JAKMIP3: variants seen among roughly 807,000 people sequenced by gnomAD.
The protein encoded by JAKMIP3 is Janus kinase and microtubule interacting protein 3.
Under a neutral mutation model 118.5 loss-of-function variants are expected in JAKMIP3, and 58 were observed. That is an observed-to-expected ratio of 0.49 (90% CI 0.40 to 0.61). The LOEUF (loss-of-function observed/expected upper bound fraction) is 0.61, where lower values mean the gene tolerates loss of function less well. Among genes scored for constraint, JAKMIP3 ranks in the 20% least tolerant of loss-of-function variants. The pLI, the probability that JAKMIP3 is intolerant of heterozygous loss-of-function variation, is 0.00. For missense variants in JAKMIP3, 950 were observed against 1,109.0 expected (o/e 0.86, Z 2.04); for synonymous variants, 486 against 451.2 (o/e 1.08, Z -0.98).
At chr10:132,099,269 C>T (rs987904807) in intron 1 of JAKMIP3, among the ~76,000 whole-genome samples, 13 of 152,226 alleles carry the variant, frequency 8.5e-5, no homozygotes, top group African/African-American at 1.9e-4. Context: ...GATTCACCGG[C>T]GGTGGAAAGA....
intron 21 of JAKMIP3, among the ~76,000 whole-genome samples, chr10:132,166,731 G>A (rs796715696): frequency 6.6e-6 from 1 of 152,204 alleles, no homozygotes; most frequent in Non-Finnish European, 1.5e-5. Context: ...TGGGGCCCCT[G>A]ACCAGCGCCC....
chr10:132,095,957 C>T lies in JAKMIP3; in HGVS notation c.-137-8715C>T, dbSNP rs1261725300. ...TCAGGCTTCCACCCATGGTAGAATCCGCCGGCATACTGTCCCATGCTGCTG... is the reference window on the plus strand; with the variant it reads ...TCAGGCTTCCACCCATGGTAGAATCTGCCGGCATACTGTCCCATGCTGCTG... On this transcript the variant is annotated intron_variant, in intron 1 of 23. Coordinates refer to ENST00000684848, the MANE Select transcript of JAKMIP3 (RefSeq NM_001323087.2). 2.6e-5 allele frequency among the ~76,000 whole-genome samples: 4 copies of T among 152,178 alleles called. No individual in the cohort carries two copies. In the East Asian group the frequency reaches 5.8e-4, roughly 22 times the overall value.
intron 1 of JAKMIP3, among the ~76,000 whole-genome samples, chr10:132,091,525 A>G: frequency 6.6e-6 from 1 of 152,138 alleles, no homozygotes; most frequent in Non-Finnish European, 1.5e-5. Flanking sequence ...ACCATTATGT[A>G]ATGGTCTTCT....
intron 1 of JAKMIP3, among the ~76,000 whole-genome samples, chr10:132,072,412 A>G (rs540753969): frequency 6.6e-6 from 1 of 152,080 alleles, no homozygotes; most frequent in South Asian, 2.1e-4. Flanking sequence ...GTAGTGTGGT[A>G]TAGTCCCAGC....
At chr10:132,078,216 C>T (rs941562685) in intron 1 of JAKMIP3, among the ~76,000 whole-genome samples, 3 of 152,152 alleles carry the variant, frequency 2.0e-5, no homozygotes, top group African/African-American at 7.2e-5. Context: ...TTACATTTCA[C>T]AACCTCCTGA....
chr10:132,100,940 G>C (rs1028072444), intron 1 of JAKMIP3, among the ~76,000 whole-genome samples: 2 of 152,142 alleles, frequency 1.3e-5, no homozygotes, highest in African/African-American at 4.8e-5. Flanking sequence ...CTTGCCACTT[G>C]GGGGAGATTC....
chr10:132,065,680 G>C (rs1423649221), upstream of JAKMIP3, among the ~76,000 whole-genome samples: 1 of 152,216 alleles, frequency 6.6e-6, no homozygotes, highest in Non-Finnish European at 1.5e-5. The surrounding 1 kb of genome is among the most constrained non-coding windows in gnomAD (Gnocchi z 5.6). Flanking sequence ...TCTCACCTGC[G>C]TGGCTGTGCC....
intron 19 of JAKMIP3, among the ~76,000 whole-genome samples, chr10:132,156,572 C>G (rs2057119402): frequency 6.6e-6 from 1 of 152,224 alleles, no homozygotes; most frequent in Non-Finnish European, 1.5e-5. Flanking sequence ...CTGATTGACA[C>G]TGCAAGCCTC....
At chr10:132,045,465 C>A (rs1200534204) in intron 1 of JAKMIP3, among the ~76,000 whole-genome samples, 3 of 152,098 alleles carry the variant, frequency 2.0e-5, no homozygotes, top group Non-Finnish European at 4.4e-5. Flanking sequence ...GAGGCAGCTT[C>A]CCTAATTAGT....
rs1329157512 is a variant in JAKMIP3, at chr10:132,180,660, TGTGTGC to T, written c.*1104-1691_*1104-1686del. The stretch of plus-strand genomic sequence containing the variant: ...GTGCGTGTGTGCGTGTGCGTGTGCG[TGTGTGC>T]GTGTGTGTGCGCGCGCGTGTGTGTG... On this transcript the variant is annotated intron_variant, in intron 23 of 23. Transcript: ENST00000684848. 8.0e-3 allele frequency among the ~76,000 whole-genome samples: 270 copies of T among 33,554 alleles called. 69 individuals are homozygous for T. The highest frequency in any genetic ancestry group is 0.033 in the African/African-American group (244 of 7,376). 22.0% of individuals were successfully genotyped at this position (33,554 alleles called of 152,430 possible).
chr10:132,155,087 G>A (rs569713791), intron 19 of JAKMIP3, among the ~76,000 whole-genome samples: 1 of 23,756 alleles, frequency 4.2e-5, no homozygotes, highest in East Asian at 1.1e-3. Context: ...TGCTGCTGGA[G>A]GTAGTGATGA....
At chr10:132,147,136 C>T (rs552912229) in intron 13 of JAKMIP3, among the ~76,000 whole-genome samples, 1 of 152,294 alleles carries the variant, frequency 6.6e-6, no homozygotes, top group African/African-American at 2.4e-5. Flanking sequence ...AGGTGTTCCA[C>T]GGCAGGCCCA....
At chr10:132,114,801 C>T (rs770109665) in intron 2 of JAKMIP3, among the ~76,000 whole-genome samples, 2 of 152,072 alleles carry the variant, frequency 1.3e-5, no homozygotes, top group Non-Finnish European at 2.9e-5. Context: ...GTTTTCAGCA[C>T]CGAGGTCTTG....
chr10:132,159,595 CATGTCTTCCTAT>C (rs1564981534), intron 19 of JAKMIP3, among the ~76,000 whole-genome samples: 3 of 75,204 alleles, frequency 4.0e-5, no homozygotes, highest in African/African-American at 9.6e-5. Flanking sequence ...ATGCTGGGGG[CATGTCTTCCTAT>C]GTGATGCTGG....
At chr10:132,139,895 C>T (rs1336936720) in intron 9 of JAKMIP3, among the ~76,000 whole-genome samples, 1 of 152,178 alleles carries the variant, frequency 6.6e-6, no homozygotes, top group Non-Finnish European at 1.5e-5. Flanking sequence ...TGTAACACTT[C>T]TGAAGGGGAC....
chr10:132,160,036 CT>C (rs1236286702), intron 19 of JAKMIP3, among the ~76,000 whole-genome samples: 1 of 19,264 alleles, frequency 5.2e-5, no homozygotes, highest in Non-Finnish European at 8.9e-5. Context: ...TGGGGAGCCT[CT>C]TCCTGTGTGA....
At chr10:132,103,418 GCTGGAGGGGAGGAGCAC>G (rs1345516125) in intron 1 of JAKMIP3, among the ~76,000 whole-genome samples, 12 of 85,482 alleles carry the variant, frequency 1.4e-4, no homozygotes, top group Non-Finnish European at 4.6e-5. Context: ...GAGAGGAGCA[GCTGGAGGGGAGGAGCAC>G]CTGGGGGAGA....
At chr10:132,109,028 A>G (rs1033926594) in intron 2 of JAKMIP3, among the ~76,000 whole-genome samples, 5 of 142,334 alleles carry the variant, frequency 3.5e-5, no homozygotes, top group African/African-American at 1.3e-4. Context: ...TATACAAATT[A>G]TATATGTATA....
At chr10:132,120,632 G>A (rs2135417792) in intron 3 of JAKMIP3, among the ~76,000 whole-genome samples, 1 of 152,378 alleles carries the variant, frequency 6.6e-6, no homozygotes, top group Admixed American at 6.5e-5. Context: ...GCTGTGGTGA[G>A]AGGTGCCCTG....
Sources: gnomAD v4.1 joint callset for allele counts (sites outside exome capture counted in the v4.1 genomes callset) on GRCh38, gnomAD v4.1.1 for gene constraint, Gnocchi (gnomAD v3.1) non-coding constraint, MANE v1.5 for transcripts, NCBI Gene and HGNC (gene_info 2026-07-23, HGNC 2026-07-21) for gene names.